The following SPACA1 variants were observed in gnomAD, a reference collection of about 807,000 sequenced individuals.
The protein encoded by SPACA1 is sperm acrosome membrane-associated protein 1.
In SPACA1, 17 loss-of-function variants were observed where a neutral mutation model predicts 32.6. The ratio of observed to expected loss-of-function variants is 0.52; its 90% CI spans 0.36 to 0.78. The LOEUF is 0.78. Ranked by LOEUF, SPACA1 falls within the 30% of genes least tolerant of loss-of-function variation. The pLI, the probability that SPACA1 is intolerant of heterozygous loss-of-function variation, is 0.01. For synonymous variants in SPACA1, 140 were observed against 138.1 expected (o/e 1.01, Z -0.10); for missense variants, 363 against 373.4 (o/e 0.97, Z 0.23).
intron 5 of SPACA1, among the ~76,000 whole-genome samples, chr6:88,062,002 C>T (rs1775904987): frequency 6.6e-6 from 1 of 152,136 alleles, no homozygotes; most frequent in African/African-American, 2.4e-5. Context: ...ATTTGCATTT[C>T]TCCTTGTCAG....
At chr6:88,049,917 A>C (rs1206846245) in intron 1 of SPACA1, among the ~76,000 whole-genome samples, 2 of 152,134 alleles carry the variant, frequency 1.3e-5, no homozygotes, top group Admixed American at 1.3e-4. Context: ...TTGCACTTGT[A>C]TTGTCAAAAA....
rs1319959470 is a variant in SPACA1 at position 88,066,263 on chromosome 6, T to C, written c.813T>C (p.Asp271=). Residue 271 remains aspartate, a synonymous_variant, in exon 7 of 7, where the codon GAT becomes GAC. Transcript: ENST00000237201. ...AGCAGAGTTCTGTGAGATACAAAGA[T>C]TCAACTTCTCTTGACCAATTACCAA... is the stretch of plus-strand genomic sequence containing the variant. The part of the protein sequence containing the change: ...QSEQSSVRYK[D]STSLDQLPTE... 6.2e-7 allele frequency: 1 copy of C among 1,612,804 alleles called. No individual in the cohort carries two copies. The highest frequency in any genetic ancestry group is 8.5e-7 in the Non-Finnish European group (1 of 1,179,150).
intron 6 of SPACA1, among the ~76,000 whole-genome samples, 154 bp from the exon 7 acceptor site, chr6:88,066,028 C>T (rs111947503): frequency 0.031 from 4,697 of 151,602 alleles, 215 homozygotes; most frequent in African/African-American, 0.1. Context: ...TGTATATGTA[C>T]AGGTTATATA....
chr6:88,059,455 A>G lies in SPACA1; in HGVS notation c.477A>G (p.Gln159=), dbSNP rs1480483190. Residue 159 remains glutamine (Q), a splice_region_variant and synonymous_variant, in exon 5 of 7, where the codon CAA becomes CAG. Transcript: ENST00000237201. The part of the protein sequence containing the change: ...YMWKLLRQDQ[Q]SIILVNDSAI... ...GTTATTTTTTTCTTTTTAAATAGCA[A>G]TCCATTATACTTGTAAATGATTCAG... is the stretch of plus-strand genomic sequence containing the variant. 3 of 1,597,630 alleles carry G rather than the reference A, an allele frequency of 1.9e-6. No individual in the cohort carries two copies. The highest frequency in any genetic ancestry group is 1.7e-4 in the Middle Eastern group (1 of 5,980).
chr6:88,057,859 C>G (rs1329999011), intron 3 of SPACA1, 146 bp downstream of exon 3: 1 of 641,002 alleles, frequency 1.6e-6, no homozygotes, highest in Non-Finnish European at 2.8e-6. Flanking sequence ...TCCACTTCTT[C>G]AAACAGTTAT....
Position 88,058,812 on chromosome 6 carries a change from G to C in SPACA1, c.464G>C (p.Arg155Thr). ...NRFKYMWKLL[R>T]QDQQSIILVN... ...TTCAAATATATGTGGAAACTTCTAA[G>C]ACAAGACCAAGTGAGTAATGAATGG... The change falls in exon 4 of 7, where the codon AGA becomes ACA. Residue 155 changes from arginine (R) to threonine (T), a missense_variant. Physicochemically the swap from Arg to Thr is moderately conservative, Grantham distance 71. Coordinates refer to ENST00000237201, the MANE Select transcript of SPACA1 (RefSeq NM_030960.3). 6.2e-7 allele frequency: 1 copy of C among 1,608,640 alleles called. No individual in the cohort carries two copies. The highest frequency in any genetic ancestry group is 2.2e-5 in the East Asian group (1 of 44,810).
intron 2 of SPACA1, among the ~76,000 whole-genome samples, chr6:88,054,522 C>T (rs1470117525): frequency 6.6e-6 from 1 of 152,172 alleles, no homozygotes; most frequent in Non-Finnish European, 1.5e-5. Flanking sequence ...TAAAATTTCT[C>T]TAACAAGTTT....
chr6:88,064,377 G>C, intron 6 of SPACA1, 158 bp downstream of exon 6: 1 of 590,972 alleles, frequency 1.7e-6, no homozygotes, highest in Non-Finnish European at 2.7e-6. Context: ...CCTAGTTCAG[G>C]CTGCCCCGTC....
chr6:88,047,810 C>A (rs1582264818), upstream of SPACA1: 2 of 1,209,998 alleles, frequency 1.7e-6, no homozygotes, highest in Non-Finnish European at 2.2e-6. Flanking sequence ...CGGAGCCGGG[C>A]GGCTACGGGC....
chr6:88,058,166 G>C (rs1775838235), intron 3 of SPACA1, among the ~76,000 whole-genome samples: 1 of 152,170 alleles, frequency 6.6e-6, no homozygotes, highest in Non-Finnish European at 1.5e-5. Flanking sequence ...TCATAGTTTA[G>C]TCTAACAGAT....
At chr6:88,052,823 C>G (rs183782253) in intron 1 of SPACA1, among the ~76,000 whole-genome samples, 1 of 152,040 alleles carries the variant, frequency 6.6e-6, no homozygotes, top group Non-Finnish European at 1.5e-5. Flanking sequence ...GGCAACAGAG[C>G]AAGACTCTCT....
At chr6:88,061,824 C>T (rs1271499254) in intron 5 of SPACA1, among the ~76,000 whole-genome samples, 2 of 152,086 alleles carry the variant, frequency 1.3e-5, no homozygotes, top group African/African-American at 4.8e-5. Flanking sequence ...TCAAATTTAG[C>T]CTATTTTTCA....
chr6:88,049,331 TA>T, intron 1 of SPACA1, among the ~76,000 whole-genome samples: 1 of 152,252 alleles, frequency 6.6e-6, no homozygotes, highest in Admixed American at 6.5e-5. Context: ...AATAAAGTTA[TA>T]ATGTCTTACC....
chr6:88,066,310 A>T lies in SPACA1; in HGVS notation c.860A>T (p.Asp287Val). 6.2e-7 allele frequency: 1 copy of T among 1,611,804 alleles called. No homozygotes were observed. Among genetic ancestry groups the T allele is most frequent in the African/African-American group, 1.3e-5 (1 of 75,000 alleles). ...CCAACAGAAATGCCTGGTGAAGATG[A>T]TGCTTTAAGTGAATGGAATGAATGA... ...QLPTEMPGED[D>V]ALSEWNE Residue 287 changes from aspartate to valine, a missense_variant, in exon 7 of 7, where the codon GAT (aspartate) becomes GTT (valine). Asp to Val is a radical substitution (Grantham distance 152, BLOSUM62 -3). Coordinates refer to ENST00000237201, the MANE Select transcript of SPACA1 (RefSeq NM_030960.3).
chr6:88,057,771 A>G, intron 3 of SPACA1, 58 bp downstream of exon 3: 1 of 1,464,206 alleles, frequency 6.8e-7, no homozygotes, highest in South Asian at 1.2e-5. Context: ...CTGGGGAAAT[A>G]TTTTTCACCT....
At chr6:88,047,644 G>T (rs1775657360), upstream of SPACA1, 1 of 401,052 alleles carries the variant, frequency 2.5e-6, no homozygotes, top group Non-Finnish European at 4.4e-6. Context: ...CGGTTGCGGG[G>T]AAGGGCGGCG....
At chr6:88,047,735 C>T (rs1775660083), upstream of SPACA1, 2 of 681,344 alleles carry the variant, frequency 2.9e-6, no homozygotes, top group Non-Finnish European at 2.4e-6. Context: ...CGCGCGAGTT[C>T]CAGGCGCTCA....
intron 1 of SPACA1, among the ~76,000 whole-genome samples, chr6:88,048,784 T>G (rs1184984562): frequency 5.3e-4 from 1 of 1,898 alleles, no homozygotes; most frequent in African/African-American, 0.011. Flanking sequence ...ATACATTTGC[T>G]TTTTTTTCTG....
upstream of SPACA1, among the ~76,000 whole-genome samples, chr6:88,047,541 G>A (rs1476803837): frequency 6.6e-6 from 1 of 152,206 alleles, no homozygotes; most frequent in African/African-American, 2.4e-5. Flanking sequence ...GGAGGCTGAA[G>A]AGTCGCTCCA....
Sources: allele counts gnomAD v4.1 joint callset (sites outside exome capture counted in the v4.1 genomes callset), GRCh38; gene constraint gnomAD v4.1.1; transcripts MANE v1.5; gene names NCBI Gene and HGNC (gene_info 2026-07-23, HGNC 2026-07-21).